Variants in UBE2D4 observed in about 807,000 individuals in gnomAD.
UBE2D4 encodes the protein ubiquitin conjugating enzyme E2 D4, also known as ubiquitin-conjugating enzyme E2 D4.
UBE2D4 carries 17 observed loss-of-function variants against 23.0 expected under a neutral mutation model. The ratio of observed to expected loss-of-function variants is 0.74; its 90% CI spans 0.51 to 1.11. The LOEUF (loss-of-function observed/expected upper bound fraction) is 1.11. Among genes scored for constraint, UBE2D4 ranks in the 50% least tolerant of loss-of-function variants. The pLI, the probability that UBE2D4 is intolerant of heterozygous loss-of-function variation, is 0.00. For missense variants in UBE2D4, 139 were observed against 181.8 expected (o/e 0.76, Z 1.35); for synonymous variants, 61 against 69.4 (o/e 0.88, Z 0.60).
chr7:43,937,733 T>G (rs1054600873), intron 1 of UBE2D4, among the ~76,000 whole-genome samples: 1 of 152,160 alleles, frequency 6.6e-6, no homozygotes, highest in Non-Finnish European at 1.5e-5. Flanking sequence ...CAGAGACATA[T>G]GGTGAAATCA....
intron 1 of UBE2D4, among the ~76,000 whole-genome samples, chr7:43,932,532 C>T (rs1209287381): frequency 6.6e-6 from 1 of 152,170 alleles, no homozygotes; most frequent in African/African-American, 2.4e-5. Flanking sequence ...GTGGCTCACG[C>T]CTGTAATCTC....
chr7:43,955,876 C>T lies in UBE2D4; in HGVS notation c.*3181C>T, dbSNP rs985840987. The T allele has an allele frequency of 3.3e-5, 5 of 152,084 alleles. No homozygotes were observed. The highest frequency in any genetic ancestry group is 1.2e-4 in the African/African-American group (5 of 41,406). The allele number at this position is 152,084 out of a possible 1,614,324, so 9.4% of individuals were successfully genotyped here. On this transcript the variant is annotated 3_prime_UTR_variant, in exon 7 of 7. Coordinates refer to ENST00000222402, the MANE Select transcript of UBE2D4 (RefSeq NM_015983.4). ...ACTGGATCTAGCCATAAATGGTGGT[C>T]TTCAGAAAAATGGAGATTGTGGCTG...
intron 4 of UBE2D4, among the ~76,000 whole-genome samples, chr7:43,946,726 C>G (rs2095988031): frequency 6.6e-6 from 1 of 151,704 alleles, no homozygotes; most frequent in Non-Finnish European, 1.5e-5. Flanking sequence ...GGTTTTACAT[C>G]TTTTGTTACA....
At chr7:43,945,644 A>T (rs964870626) in intron 4 of UBE2D4, among the ~76,000 whole-genome samples, 59 of 123,090 alleles carry the variant, frequency 4.8e-4, no homozygotes, top group African/African-American at 1.4e-3. Context: ...AAGTAAGTTT[A>T]AAAAAAACTA....
intron 2 of UBE2D4, among the ~76,000 whole-genome samples, chr7:43,940,394 G>A (rs1160020073): frequency 6.6e-6 from 1 of 152,176 alleles, no homozygotes; most frequent in Non-Finnish European, 1.5e-5. Flanking sequence ...GATAATATCA[G>A]ATTAAACTGG....
chr7:43,946,752 T>C (rs2095988091), intron 4 of UBE2D4, among the ~76,000 whole-genome samples: 1 of 151,924 alleles, frequency 6.6e-6, no homozygotes, highest in Non-Finnish European at 1.5e-5. Context: ...TATCCTTACA[T>C]ATTTGAAGTG....
rs576131572 is a variant in UBE2D4, at chr7:43,938,336, TC to T, written c.25-92del. 2,672 of 1,257,020 alleles carry T rather than the reference TC, an allele frequency of 2.1e-3. 1 individual carries two copies. Among genetic ancestry groups the T allele is most frequent in the Non-Finnish European group, 2.7e-3 (2,287 of 856,952 alleles). 77.9% of individuals were successfully genotyped at this position (1,257,020 alleles called of 1,614,324 possible). On this transcript the variant is annotated intron_variant, in intron 1 of 6. Transcript: ENST00000222402. ...CCCCTCCTGAGGCCTAGGAGCCTCC[TC>T]CCACCAGGAGAATTCCTTCCAGCTA...
intron 6 of UBE2D4, among the ~76,000 whole-genome samples, chr7:43,951,246 C>T (rs1406425273): frequency 1.3e-5 from 2 of 152,198 alleles, no homozygotes; most frequent in African/African-American, 2.4e-5. Flanking sequence ...AAAATTCCGA[C>T]CCCCTAGGCC....
chr7:43,934,639 C>CTTT (rs34428425), intron 1 of UBE2D4, among the ~76,000 whole-genome samples: 51 of 145,440 alleles, frequency 3.5e-4, no homozygotes, highest in African/African-American at 7.8e-4. Context: ...TAAAGCAATT[C>CTTT]TTTTTTTTTT....
chr7:43,931,842 T>C (rs1388487769), intron 1 of UBE2D4, among the ~76,000 whole-genome samples: 1 of 151,960 alleles, frequency 6.6e-6, no homozygotes, highest in Non-Finnish European at 1.5e-5. Flanking sequence ...TGTGCCACCA[T>C]GCCTGGCTAC....
At chr7:43,938,925 G>A (rs2095964658) in intron 2 of UBE2D4, among the ~76,000 whole-genome samples, 1 of 152,196 alleles carries the variant, frequency 6.6e-6, no homozygotes, top group Non-Finnish European at 1.5e-5. Context: ...ATTTTCTCTT[G>A]AATGGCTTTT....
intron 1 of UBE2D4, chr7:43,927,887 CA>C: frequency 2.9e-6 from 1 of 347,580 alleles, no homozygotes; most frequent in Middle Eastern, 1.0e-3. Flanking sequence ...TGTTATTGTT[CA>C]AAATTCTTCA....
intron 1 of UBE2D4, among the ~76,000 whole-genome samples, chr7:43,928,995 A>G (rs959062387): frequency 5.3e-5 from 8 of 152,198 alleles, no homozygotes; most frequent in African/African-American, 1.9e-4. Context: ...CTTTTCCTTG[A>G]TAAGAATCAA....
chr7:43,953,402 G>A lies in UBE2D4; in HGVS notation c.*707G>A, dbSNP rs1026822241. 9 of 351,748 alleles carry A rather than the reference G, an allele frequency of 2.6e-5. No individual in the cohort carries two copies. The highest frequency in any genetic ancestry group is 1.9e-4 in the African/African-American group (9 of 46,634). 21.8% of individuals were successfully genotyped at this position (351,748 alleles called of 1,614,324 possible). A position where few individuals can be genotyped will look rare whatever the true frequency, so the allele number is the denominator to read the frequency against. On this transcript the variant is annotated 3_prime_UTR_variant, in exon 7 of 7. Coordinates refer to ENST00000222402, the MANE Select transcript of UBE2D4 (RefSeq NM_015983.4). Reference sequence around the variant, plus strand: ...CAAGAGCAAAATTATGAAACCTCTAGAGATTTGGGTCATGTTACTCCATTT... The same window carrying A: ...CAAGAGCAAAATTATGAAACCTCTAAAGATTTGGGTCATGTTACTCCATTT...
intron 1 of UBE2D4, among the ~76,000 whole-genome samples, 165 bp downstream of exon 1, chr7:43,926,721 C>T (rs1165107569): frequency 6.6e-6 from 1 of 152,046 alleles, no homozygotes; most frequent in Non-Finnish European, 1.5e-5. Context: ...AAAGCGAACG[C>T]AGCCTGAGAA....
In UBE2D4 at chr7:43,955,363, A is replaced by G. The variant is rs2096011252; in HGVS notation, c.*2668A>G. On this transcript the variant is annotated 3_prime_UTR_variant, in exon 7 of 7. Transcript: ENST00000222402. ...TGAACAATTGATCCATGATGAAAAA[A>G]TGACCATTAGCTCTCCCCCAGAAGC... 6.6e-6 allele frequency: 1 copy of G among 152,236 alleles called. No individual in the cohort carries two copies. The allele number at this position is 152,236 out of a possible 1,614,324, so 9.4% of individuals were successfully genotyped here. A position where few individuals can be genotyped will look rare whatever the true frequency, so the allele number is the denominator to read the frequency against.
chr7:43,927,837 A>G (rs2095936197), intron 1 of UBE2D4, among the ~76,000 whole-genome samples: 3 of 152,236 alleles, frequency 2.0e-5, no homozygotes, highest in African/African-American at 7.2e-5. Flanking sequence ...TGTTTAGCAC[A>G]TGCTTGCTGT....
Position 43,953,311 on chromosome 7 carries a change from G to C in UBE2D4, c.*616G>C. ...ATTTCTCGCCTCACACCAAGAAGCA[G>C]CAAGTGGAAAATTTCAGGATACAAA... On this transcript the variant is annotated 3_prime_UTR_variant, in exon 7 of 7. Transcript: ENST00000222402. The C allele has an allele frequency of 2.4e-6, 1 of 413,594 alleles. No homozygotes were observed. The allele number at this position is 413,594 out of a possible 1,614,324, so 25.6% of individuals were successfully genotyped here. A position where few individuals can be genotyped will look rare whatever the true frequency, so the allele number is the denominator to read the frequency against.
chr7:43,942,762 T>G, intron 2 of UBE2D4, 64 bp from the exon 3 acceptor site: 1 of 1,609,908 alleles, frequency 6.2e-7, no homozygotes, highest in Non-Finnish European at 8.5e-7. Flanking sequence ...AGCAGTGCGT[T>G]TTCAGTAGAA....
Sources: allele counts gnomAD v4.1 joint callset (sites outside exome capture counted in the v4.1 genomes callset), GRCh38; gene constraint gnomAD v4.1.1; transcripts MANE v1.5; gene names NCBI Gene and HGNC (gene_info 2026-07-23, HGNC 2026-07-21).